SHROOM2: variants seen among roughly 807,000 people sequenced by gnomAD.
SHROOM2 encodes the protein shroom family member 2, also known as protein Shroom2.
Under a neutral mutation model 75.9 loss-of-function variants are expected in SHROOM2, and 33 were observed. The ratio of observed to expected loss-of-function variants is 0.43; its 90% CI spans 0.33 to 0.58. The LOEUF (loss-of-function observed/expected upper bound fraction) is 0.58, where lower values mean the gene tolerates loss of function less well. SHROOM2 is among the 20% of genes least tolerant of loss of function. SHROOM2 has a pLI of 0.04. For missense variants in SHROOM2, 1,434 were observed against 1,461.2 expected (o/e 0.98, Z 0.30); for synonymous variants, 655 against 663.6 (o/e 0.99, Z 0.20).
rs146519576 is a variant in SHROOM2, at chrX:9,895,889, G to A, written c.1981G>A (p.Gly661Ser). Residue 661 changes from glycine (G) to serine (S), a missense_variant, in exon 4 of 10, where the codon GGC (glycine) becomes AGC (serine). This residue lies in a region of SHROOM2 where 1,340 missense variants were observed against 1,338.3 expected (regional missense o/e 1.00). Coordinates refer to ENST00000380913, the MANE Select transcript of SHROOM2 (RefSeq NM_001649.4). ...AGCAGGGGAGGCGGAGGATGGCACC[G>A]GCCGCTGGAGGGCCGGGTTGGGAGG... The part of the protein sequence containing the change: ...TAAGEAEDGT[G>S]RWRAGLGGGT... 3.1e-4 allele frequency: 374 copies of A among 1,198,486 alleles called. No individual in the cohort carries two copies. The highest frequency in any genetic ancestry group is 3.0e-3 in the African/African-American group (174 of 57,533).
At chrX:9,844,991 C>G (rs1267052386) in intron 1 of SHROOM2, among the ~76,000 whole-genome samples, 1 of 111,178 alleles carries the variant, frequency 9.0e-6, no homozygotes, top group Admixed American at 9.6e-5. Flanking sequence ...AAGTATTTCT[C>G]TAGCGTGGGA....
At chrX:9,939,143 G>T in intron 7 of SHROOM2, 52 bp from the exon 8 acceptor site, 3 of 1,066,468 alleles carry the variant, frequency 2.8e-6, no homozygotes, top group South Asian at 4.8e-5. Context: ...GGGCAGAGGG[G>T]CTGTTTGCGT....
intron 9 of SHROOM2, among the ~76,000 whole-genome samples, chrX:9,945,991 C>T (rs1185790243): frequency 4.4e-5 from 5 of 112,788 alleles, no homozygotes; most frequent in Admixed American, 1.9e-4. Context: ...ATTTGGGCCA[C>T]GCAGAACGCT....
intron 2 of SHROOM2, among the ~76,000 whole-genome samples, chrX:9,881,087 A>G (rs1399579561): frequency 9.0e-6 from 1 of 110,968 alleles, no homozygotes; most frequent in Non-Finnish European, 1.9e-5. Context: ...TGGGGAGGTG[A>G]AGTGGGCTGA....
intron 1 of SHROOM2, among the ~76,000 whole-genome samples, chrX:9,802,637 G>T (rs1200624830): frequency 8.9e-6 from 1 of 111,847 alleles, no homozygotes; most frequent in East Asian, 2.8e-4. Flanking sequence ...AGTGGGGACT[G>T]GCTCTGTTTC....
Position 9,932,706 on chromosome X carries a change from G to T in SHROOM2, c.3423G>T (p.Gly1141=). The change falls in exon 6 of 10, where the codon GGG becomes GGT. Residue 1141 remains glycine (G), a synonymous_variant. Coordinates refer to ENST00000380913, the MANE Select transcript of SHROOM2 (RefSeq NM_001649.4). ...VCERGSQHVS[G]DASRPLPEAL... is the part of the protein sequence containing the mutation. The stretch of plus-strand genomic sequence containing the variant: ...AGCGTGGAAGCCAGCATGTGAGCGG[G>T]GACGCATCACGTCCTCTGCCAGAAG... 8.3e-7 allele frequency: 1 copy of T among 1,211,271 alleles called. No homozygotes were observed. The highest frequency in any genetic ancestry group is 1.1e-6 in the Non-Finnish European group (1 of 895,486).
At position 9,937,357 on chromosome X, in the gene SHROOM2, G is replaced by A. The variant is rs1378544640; in HGVS notation, c.3811G>A (p.Glu1271Lys). 4 of 1,204,677 alleles carry A rather than the reference G, an allele frequency of 3.3e-6. No homozygotes were observed. Among genetic ancestry groups the A allele is most frequent in the African/African-American group, 1.7e-5 (1 of 57,629 alleles). ...GTACACGCGGCAGGGTGCTGAGCCC[G>A]AGGCCCCACATAGGGCCCAGCCGGC... Reference protein sequence around the residue: ...CLYTRQGAEPEAPHRAQPAEP... With the variant: ...CLYTRQGAEPKAPHRAQPAEP... Residue 1271 changes from glutamate (E) to lysine (K), a missense_variant, in exon 7 of 10, where the codon GAG becomes AAG. This residue lies in a region of SHROOM2 where 1,340 missense variants were observed against 1,338.3 expected (regional missense o/e 1.00). Transcript: ENST00000380913.
In SHROOM2 at chrX:9,944,811, C is replaced by T. The variant is rs1481378910; in HGVS notation, c.4482C>T (p.Asp1494=). The T allele has an allele frequency of 8.2e-7, 1 of 1,212,205 alleles. No individual in the cohort carries two copies. Among genetic ancestry groups the T allele is most frequent in the South Asian group, 1.8e-5 (1 of 56,977 alleles). The change falls in exon 9 of 10, where the codon GAC becomes GAT. Residue 1494 remains aspartate (D), a synonymous_variant. Coordinates refer to ENST00000380913, the MANE Select transcript of SHROOM2 (RefSeq NM_001649.4). ...ACAAGTTCCGGATGTTCATTGGAGA[C>T]CTGGACAAAGTGGTGAACCTCCTGC... ...EFDKFRMFIG[D]LDKVVNLLLS...
chrX:9,797,387 A>G (rs751005683), intron 1 of SHROOM2, among the ~76,000 whole-genome samples: 15 of 112,638 alleles, frequency 1.3e-4, no homozygotes, highest in Non-Finnish European at 2.6e-4. Flanking sequence ...TGTTTGGGCC[A>G]TTCATTGTAT....
intron 1 of SHROOM2, among the ~76,000 whole-genome samples, chrX:9,861,455 C>T (rs1002674375): frequency 5.3e-5 from 6 of 112,295 alleles, no homozygotes; most frequent in Non-Finnish European, 1.9e-5. Context: ...CAGATGTGAG[C>T]CACCATGCCC....
At chrX:9,941,929 C>T (rs1318667254) in intron 8 of SHROOM2, among the ~76,000 whole-genome samples, 1 of 100,968 alleles carries the variant, frequency 9.9e-6, no homozygotes, top group Non-Finnish European at 2.0e-5. Context: ...TGAGATAGCG[C>T]CACTGCACTC....
chrX:9,896,146 C>T lies in SHROOM2; in HGVS notation c.2238C>T (p.Pro746=). ...PSSTSGGPHP[P]RIGGRRRFTA... The stretch of plus-strand genomic sequence containing the variant: ...CTACAAGTGGCGGGCCCCACCCGCC[C>T]CGCATCGGAGGCCGGAGACGGTTCA... Residue 746 remains proline (P), a synonymous_variant, in exon 4 of 10, where the codon CCC becomes CCT. Coordinates refer to ENST00000380913, the MANE Select transcript of SHROOM2 (RefSeq NM_001649.4). 1 of 1,208,411 alleles carries T rather than the reference C, an allele frequency of 8.3e-7. No homozygotes were observed. Among genetic ancestry groups the T allele is most frequent in the Admixed American group, 2.2e-5 (1 of 45,872 alleles).
At chrX:9,831,603 A>G (rs2083916592) in intron 1 of SHROOM2, among the ~76,000 whole-genome samples, 1 of 112,508 alleles carries the variant, frequency 8.9e-6, no homozygotes, top group Admixed American at 9.4e-5. Flanking sequence ...GGTTACGGTG[A>G]GCTGAGATCG....
rs1225194345 is a variant in SHROOM2, at chrX:9,824,764, C to T, written c.165+38054C>T. On this transcript the variant is annotated intron_variant, in intron 1 of 9. Coordinates refer to ENST00000380913, the MANE Select transcript of SHROOM2 (RefSeq NM_001649.4). ...ACACGACACACAACCGGCACACAACCGTTGTGCCCTTTTGAACTGTGCAGG... is the reference window on the plus strand; with the variant it reads ...ACACGACACACAACCGGCACACAACTGTTGTGCCCTTTTGAACTGTGCAGG... Among the ~76,000 whole-genome samples, 11 of 111,812 alleles carry T rather than the reference C, an allele frequency of 9.8e-5. No individual in the cohort carries two copies. In the Admixed American group the frequency reaches 1.0e-3, roughly 11 times the overall value.
intron 1 of SHROOM2, among the ~76,000 whole-genome samples, chrX:9,805,201 C>G (rs60181301): frequency 1.2e-4 from 13 of 111,163 alleles, no homozygotes; most frequent in African/African-American, 3.9e-4. Flanking sequence ...GCCGAGATCG[C>G]ACCACTGCTC....
rs189583619 is a variant in SHROOM2 at position 9,938,640 on chromosome X, G to A, written c.4140-555G>A. ...TGGTTTTGTAAGTAGCACTTTCAGC[G>A]TATCTCCTTCAGCCACTTGACCACA... On this transcript the variant is annotated intron_variant, in intron 7 of 9. Transcript: ENST00000380913. Among the ~76,000 whole-genome samples the A allele has an allele frequency of 7.1e-5, 8 of 112,546 alleles. No individual in the cohort carries two copies. In the East Asian group the frequency reaches 2.2e-3, roughly 31 times the overall value.
rs769178279 is a variant in SHROOM2 at position 9,880,420 on chromosome X, G to A, written c.317+6617G>A. ...TCCTTGGCTGTGGTGGCACTGGCAC[G>A]CTGTGGCATGCTCTGCCCTGCACTG... On this transcript the variant is annotated intron_variant, in intron 2 of 9. Coordinates refer to ENST00000380913, the MANE Select transcript of SHROOM2 (RefSeq NM_001649.4). Among the ~76,000 whole-genome samples the A allele has an allele frequency of 5.3e-5, 6 of 113,516 alleles. No individual in the cohort carries two copies. The East Asian group carries it at 1.1e-3, about 21-fold the overall frequency.
chrX:9,945,031 C>T (rs1448508672), intron 9 of SHROOM2, 118 bp downstream of exon 9: 2 of 707,532 alleles, frequency 2.8e-6, no homozygotes, highest in Non-Finnish European at 4.1e-6. Context: ...GGCCTGTCCA[C>T]CTCCTCCTGC....
At chrX:9,940,616 G>T (rs2084760479) in intron 8 of SHROOM2, among the ~76,000 whole-genome samples, 1 of 112,211 alleles carries the variant, frequency 8.9e-6, no homozygotes, top group Admixed American at 9.5e-5. Context: ...CTGTTTTCCT[G>T]CTTGATTGGA....
Sources: gnomAD v4.1 joint callset for allele counts (sites outside exome capture counted in the v4.1 genomes callset) on GRCh38, gnomAD v4.1.1 for gene constraint, gnomAD v4.1.1 regional missense constraint, MANE v1.5 for transcripts, NCBI Gene and HGNC (gene_info 2026-07-23, HGNC 2026-07-21) for gene names.